The following FRAS1 variants were observed in gnomAD, a reference collection of about 807,000 sequenced individuals.
FRAS1 encodes Fraser extracellular matrix complex subunit 1, also known as extracellular matrix organizing protein FRAS1.
In FRAS1, 290 loss-of-function variants were observed where a neutral mutation model predicts 435.2. The observed-to-expected ratio is 0.67, with a 90% confidence interval of 0.61 to 0.73. FRAS1 has a LOEUF of 0.73. Ranked by LOEUF, FRAS1 falls within the 30% of genes least tolerant of loss-of-function variation. The pLI is 0.00. For synonymous variants in FRAS1, 1,800 were observed against 1,851.0 expected, an observed-to-expected ratio of 0.97 and a Z score of 0.71; for missense variants, 4,860 against 5,001.5, an observed-to-expected ratio of 0.97 and a Z score of 0.85.
At chr4:78,344,384 C>T (rs1475518128) in intron 20 of FRAS1, among the ~76,000 whole-genome samples, 1 of 151,862 alleles carries the variant, frequency 6.6e-6, no homozygotes, top group Admixed American at 6.6e-5. Flanking sequence ...TGTAAGGAGA[C>T]TGAAACTGTC....
intron 58 of FRAS1, among the ~76,000 whole-genome samples, chr4:78,486,971 A>T (rs1720190050): frequency 6.6e-6 from 1 of 152,118 alleles, no homozygotes; most frequent in South Asian, 2.1e-4. Flanking sequence ...TAACCACTTC[A>T]GCCTTTAACT....
chr4:78,072,356 C>T (rs141156655), intron 2 of FRAS1, among the ~76,000 whole-genome samples: 67 of 152,158 alleles, frequency 4.4e-4, no homozygotes, highest in African/African-American at 1.3e-3. Flanking sequence ...AAGAGATAGC[C>T]CTGTAGAAAT....
At chr4:78,539,746 A>G (rs766155007) in intron 73 of FRAS1, among the ~76,000 whole-genome samples, 2 of 152,176 alleles carry the variant, frequency 1.3e-5, no homozygotes, top group Non-Finnish European at 2.9e-5. Context: ...TTTTGGTTCT[A>G]TGCTAGCCCA....
chr4:78,064,095 C>G (rs1739881119), intron 1 of FRAS1, among the ~76,000 whole-genome samples: 1 of 151,530 alleles, frequency 6.6e-6, no homozygotes, highest in Non-Finnish European at 1.5e-5. Context: ...ATAGACTGAA[C>G]TACTAAGTCT....
chr4:78,369,665 G>T (rs1245363817), intron 22 of FRAS1, among the ~76,000 whole-genome samples, 173 bp from the exon 23 acceptor site: 1 of 152,078 alleles, frequency 6.6e-6, no homozygotes, highest in African/African-American at 2.4e-5. Flanking sequence ...TTCTATTTCG[G>T]AAACTAATAT....
At chr4:78,325,482 A>G (rs2110247292) in intron 18 of FRAS1, among the ~76,000 whole-genome samples, 1 of 152,350 alleles carries the variant, frequency 6.6e-6, no homozygotes, top group Middle Eastern at 3.4e-3. Flanking sequence ...CTCTTGCATT[A>G]ATTGGATTAA....
At position 78,526,622 on chromosome 4, in the gene FRAS1, G is replaced by A. The variant is rs1265950111; in HGVS notation, c.10890G>A (p.Glu3630=). 6.3e-7 allele frequency: 1 copy of A among 1,595,686 alleles called. No homozygotes were observed. The highest frequency in any genetic ancestry group is 1.7e-5 in the Admixed American group (1 of 57,502). The part of the protein sequence containing the change: ...QPTQPWVDPG[E]KPLACTAHAP... The stretch of plus-strand genomic sequence containing the variant: ...CACAGCCATGGGTTGACCCAGGAGA[G>A]AAGCCTTTGGCCTGCACTGCACATG... Residue 3630 remains glutamate, a synonymous_variant, in exon 70 of 74, where the codon GAG becomes GAA. Coordinates refer to ENST00000512123, the MANE Select transcript of FRAS1 (RefSeq NM_025074.7).
chr4:78,488,770 TG>T, intron 58 of FRAS1, 104 bp from the exon 59 acceptor site: 2 of 999,730 alleles, frequency 2.0e-6, no homozygotes, highest in Non-Finnish European at 2.9e-6. Context: ...TGGGCTTTGG[TG>T]GAGCTCACCT....
intron 20 of FRAS1, among the ~76,000 whole-genome samples, chr4:78,355,436 CAAG>C (rs1368720687): frequency 6.6e-6 from 1 of 152,032 alleles, no homozygotes; most frequent in Non-Finnish European, 1.5e-5. Flanking sequence ...TAGTGACAAA[CAAG>C]AATTTACTTG....
chr4:78,315,726 G>T lies in FRAS1; in HGVS notation c.1811G>T (p.Arg604Met). The T allele has an allele frequency of 1.2e-6, 2 of 1,613,924 alleles. No individual in the cohort carries two copies. Among genetic ancestry groups the T allele is most frequent in the East Asian group, 4.5e-5 (2 of 44,880 alleles). The change falls in exon 16 of 74, where the codon AGG becomes ATG. Residue 604 changes from arginine (R) to methionine (M), a missense_variant. By Grantham distance (91) the Arg-to-Met change is moderately conservative. Coordinates refer to ENST00000512123, the MANE Select transcript of FRAS1 (RefSeq NM_025074.7). ...GGGTACTATGCTGATGCCACTGGCA[G>T]GTGCAAAGGTAAGAGATGGGTCACC... is the stretch of plus-strand genomic sequence containing the variant. ...PGGYYADATG[R>M]CKVCHNSCAS...
rs1420562287 is a variant in FRAS1, at chr4:78,430,317, T to A, written c.4869T>A (p.Ala1623=). The part of the protein sequence containing the change: ...SVGLQVVVRD[A]ETAPKELFFE... ...GACTTCAGGTGGTAGTAAGAGATGC[T>A]GAGACAGCGCCCAAAGAACTCTTCT... Residue 1623 remains alanine, a synonymous_variant, in exon 37 of 74, where the codon GCT becomes GCA. Transcript: ENST00000512123. 6.2e-7 allele frequency: 1 copy of A among 1,613,974 alleles called. No homozygotes were observed.
chr4:78,343,085 A>G (rs1730458660), intron 20 of FRAS1, among the ~76,000 whole-genome samples: 1 of 152,226 alleles, frequency 6.6e-6, no homozygotes, highest in Non-Finnish European at 1.5e-5. Context: ...AACAAAAACA[A>G]AAAAACCTCC....
intron 2 of FRAS1, among the ~76,000 whole-genome samples, chr4:78,143,992 TAAAA>T (rs941357338): frequency 6.6e-6 from 1 of 151,304 alleles, no homozygotes; most frequent in African/African-American, 2.4e-5. Flanking sequence ...AAAAAATACT[TAAAA>T]AATTTCCAAA....
At chr4:78,162,992 T>C (rs1721200394) in intron 2 of FRAS1, among the ~76,000 whole-genome samples, 1 of 152,222 alleles carries the variant, frequency 6.6e-6, no homozygotes, top group Non-Finnish European at 1.5e-5. Flanking sequence ...TCTCTAACCT[T>C]TTCTAGACCT....
intron 2 of FRAS1, among the ~76,000 whole-genome samples, chr4:78,138,528 GT>G (rs1720023804): frequency 6.6e-6 from 1 of 152,196 alleles, no homozygotes; most frequent in East Asian, 1.9e-4. Context: ...ATTGCTGCTT[GT>G]TTTCATAATA....
intron 2 of FRAS1, among the ~76,000 whole-genome samples, chr4:78,073,071 T>C (rs1235356003): frequency 6.6e-6 from 1 of 152,150 alleles, no homozygotes; most frequent in Non-Finnish European, 1.5e-5. Context: ...CCCATTTAGT[T>C]CCTCAAAGGG....
intron 72 of FRAS1, among the ~76,000 whole-genome samples, chr4:78,538,721 G>A (rs569247633): frequency 5.3e-5 from 8 of 152,242 alleles, no homozygotes; most frequent in South Asian, 4.1e-4. Flanking sequence ...TTGGGAGGCC[G>A]AGGTGGGCGG....
intron 66 of FRAS1, among the ~76,000 whole-genome samples, chr4:78,518,460 A>T (rs536243648): frequency 2.8e-5 from 3 of 107,412 alleles, no homozygotes; most frequent in African/African-American, 3.4e-5. Flanking sequence ...ATATTTATTT[A>T]TTTATTTATT....
At chr4:78,159,160 G>T (rs1265239779) in intron 2 of FRAS1, among the ~76,000 whole-genome samples, 1 of 152,126 alleles carries the variant, frequency 6.6e-6, no homozygotes, top group Non-Finnish European at 1.5e-5. Flanking sequence ...AAGAAAGAAA[G>T]TACAGCACTC....
Sources: gnomAD v4.1 joint callset for allele counts (sites outside exome capture counted in the v4.1 genomes callset) on GRCh38, gnomAD v4.1.1 for gene constraint, MANE v1.5 for transcripts, NCBI Gene and HGNC (gene_info 2026-07-23, HGNC 2026-07-21) for gene names.